Variants in CDH13 observed in about 807,000 individuals in gnomAD.
CDH13 encodes the protein cadherin-13.
CDH13 carries 24 observed loss-of-function variants against 63.8 expected under a neutral mutation model. The ratio of observed to expected loss-of-function variants is 0.38; its 90% CI spans 0.27 to 0.53. The LOEUF (loss-of-function observed/expected upper bound fraction) is 0.53, where lower values mean the gene tolerates loss of function less well. Ranked by LOEUF, CDH13 falls within the 20% of genes least tolerant of loss-of-function variation. CDH13 has a pLI of 0.85. For synonymous variants in CDH13, 503 were observed against 355.3 expected (o/e 1.42, Z -4.67); for missense variants, 1,049 against 903.1 (o/e 1.16, Z -2.07).
In CDH13 at chr16:83,373,627, T is replaced by C. The variant is rs187118009; in HGVS notation, c.781+28621T>C. ...AGGCAGGCATCATGCAAAGTGTATG[T>C]GTTAAGACTATTAGGAACAAAATAT... On this transcript the variant is annotated intron_variant, in intron 6 of 13. Transcript: ENST00000567109. Among the ~76,000 whole-genome samples the C allele has an allele frequency of 4.1e-3, 617 of 152,284 alleles. 6 individuals carry two copies. Among genetic ancestry groups the C allele is most frequent in the African/African-American group, 0.014 (577 of 41,534 alleles).
intron 1 of CDH13, among the ~76,000 whole-genome samples, chr16:82,805,613 C>G (rs944187878): frequency 6.6e-6 from 1 of 152,108 alleles, no homozygotes; most frequent in East Asian, 1.9e-4. Flanking sequence ...GAATGTCATT[C>G]TGTGAGTCAG....
At chr16:83,158,162 C>T (rs1449590576) in intron 4 of CDH13, among the ~76,000 whole-genome samples, 1 of 152,018 alleles carries the variant, frequency 6.6e-6, no homozygotes, top group Non-Finnish European at 1.5e-5. Context: ...TCCAGGTACT[C>T]CCACTCCCCC....
At chr16:83,485,759 C>T (rs996595859) in intron 6 of CDH13, among the ~76,000 whole-genome samples, 2 of 152,154 alleles carry the variant, frequency 1.3e-5, no homozygotes, top group Non-Finnish European at 2.9e-5. Context: ...CTACTGATTT[C>T]TGAGCTCCTG....
At chr16:82,941,631 C>T (rs973263210) in intron 2 of CDH13, among the ~76,000 whole-genome samples, 1 of 152,128 alleles carries the variant, frequency 6.6e-6, no homozygotes, top group Non-Finnish European at 1.5e-5. Context: ...ATATTAAACA[C>T]GGCTATTCTT....
intron 1 of CDH13, among the ~76,000 whole-genome samples, chr16:82,798,873 T>G (rs764357472): frequency 1.2e-4 from 19 of 152,140 alleles, no homozygotes; most frequent in Non-Finnish European, 2.4e-4. Context: ...TATTTAATAA[T>G]AACAGGAACC....
At chr16:83,650,669 T>A (rs1163653572) in intron 8 of CDH13, among the ~76,000 whole-genome samples, 2 of 152,178 alleles carry the variant, frequency 1.3e-5, no homozygotes. Flanking sequence ...CATCTCCCAA[T>A]GCACAGGGCA....
chr16:82,647,585 A>T (rs903934106), intron 1 of CDH13, among the ~76,000 whole-genome samples: 1 of 151,934 alleles, frequency 6.6e-6, no homozygotes, highest in Non-Finnish European at 1.5e-5. Flanking sequence ...AAGCCATCCC[A>T]CCTGAGGGGC....
chr16:83,090,737 A>C (rs2033865725), intron 3 of CDH13, among the ~76,000 whole-genome samples: 1 of 152,118 alleles, frequency 6.6e-6, no homozygotes, highest in Admixed American at 6.5e-5. Flanking sequence ...TTAAACTTTA[A>C]AACAACAATT....
chr16:83,059,411 G>A (rs1597244963), intron 3 of CDH13, among the ~76,000 whole-genome samples: 1 of 152,164 alleles, frequency 6.6e-6, no homozygotes, highest in Non-Finnish European at 1.5e-5. Context: ...AGCTTAGGTT[G>A]AACTCTGGGA....
chr16:83,238,093 A>C (rs1194097457), intron 5 of CDH13, among the ~76,000 whole-genome samples: 2 of 76,142 alleles, frequency 2.6e-5, no homozygotes, highest in African/African-American at 5.1e-5. Flanking sequence ...TTAGACTGGG[A>C]CTGAGGAGTG....
At chr16:82,652,046 G>A (rs1225630555) in intron 1 of CDH13, among the ~76,000 whole-genome samples, 2 of 152,184 alleles carry the variant, frequency 1.3e-5, no homozygotes, top group African/African-American at 2.4e-5. Flanking sequence ...CAACTTGCTC[G>A]GCCAACCTAT....
intron 2 of CDH13, among the ~76,000 whole-genome samples, chr16:82,911,319 G>C (rs1035253630): frequency 2.6e-5 from 4 of 152,216 alleles, no homozygotes; most frequent in Admixed American, 2.0e-4. Context: ...TATCAGTTCA[G>C]CTGAGTATAA....
At chr16:82,706,801 C>G (rs1035551237) in intron 1 of CDH13, among the ~76,000 whole-genome samples, 1 of 150,582 alleles carries the variant, frequency 6.6e-6, no homozygotes, top group East Asian at 1.9e-4. Flanking sequence ...GAGACTCTGT[C>G]TCAAAAAAAA....
rs1388258642 is a variant in CDH13, at chr16:83,006,920, G to GTTTTTTT, written c.158-25087_158-25086insTTTTTTT. Reference sequence around the variant, plus strand: ...TTTGATTTTTTTTGTTTGTTTGTTTGTTTGTTTGTTTGTTTTTTTTGAGAC... The same window carrying GTTTTTTT: ...TTTGATTTTTTTTGTTTGTTTGTTTGTTTTTTTTTTGTTTGTTTGTTTTTTTTGAGAC... On this transcript the variant is annotated intron_variant, in intron 2 of 13. Transcript: ENST00000567109. Among the ~76,000 whole-genome samples the GTTTTTTT allele has an allele frequency of 2.0e-3, 247 of 125,616 alleles. 10 individuals are homozygous for GTTTTTTT. The highest frequency in any genetic ancestry group is 3.0e-3 in the Non-Finnish European group (169 of 56,074). The allele number at this position is 125,616 out of a possible 152,430, so 82.4% of individuals were successfully genotyped here.
intron 1 of CDH13, among the ~76,000 whole-genome samples, chr16:82,733,174 C>T (rs1023404077): frequency 6.6e-6 from 1 of 152,136 alleles, no homozygotes; most frequent in African/African-American, 2.4e-5. Flanking sequence ...ACAATGTGTC[C>T]TCACATTGGC....
chr16:83,775,117 A>G (rs1915016679), intron 11 of CDH13, among the ~76,000 whole-genome samples: 2 of 151,748 alleles, frequency 1.3e-5, no homozygotes, highest in African/African-American at 4.8e-5. Flanking sequence ...GTATAGGTTA[A>G]TGCTTGCTCT....
chr16:83,676,865 G>C (rs1453117463), intron 9 of CDH13, among the ~76,000 whole-genome samples: 1 of 152,176 alleles, frequency 6.6e-6, no homozygotes, highest in Non-Finnish European at 1.5e-5. Context: ...CAACCTGCCA[G>C]ATTCCATTCC....
At chr16:83,608,359 G>A (rs1202550759) in intron 8 of CDH13, among the ~76,000 whole-genome samples, 1 of 152,206 alleles carries the variant, frequency 6.6e-6, no homozygotes, top group Non-Finnish European at 1.5e-5. Context: ...GTGAGCCATA[G>A]GCAGAAATTC....
chr16:83,716,043 G>C (rs943161001), intron 10 of CDH13, among the ~76,000 whole-genome samples: 6 of 152,138 alleles, frequency 3.9e-5, no homozygotes, highest in African/African-American at 1.2e-4. Context: ...CCATTTTGCT[G>C]AGTTCATTTT....
Sources: allele counts gnomAD v4.1 joint callset (sites outside exome capture counted in the v4.1 genomes callset), GRCh38; gene constraint gnomAD v4.1.1; transcripts MANE v1.5; gene names NCBI Gene and HGNC (gene_info 2026-07-23, HGNC 2026-07-21).